Variants in ZNF83 observed in about 807,000 individuals in gnomAD.
ZNF83 encodes the protein zinc finger protein 83.
For missense variants in ZNF83, 552 were observed against 629.9 expected (o/e 0.88, Z 1.32); for synonymous variants, 209 against 213.0 (o/e 0.98, Z 0.17).
chr19:52,624,978 A>T (rs564598087), intron 2 of ZNF83, among the ~76,000 whole-genome samples: 8 of 152,122 alleles, frequency 5.3e-5, no homozygotes, highest in Admixed American at 5.2e-4. Context: ...ACATTATTCC[A>T]GATACCACAC....
intron 1 of ZNF83, chr19:52,636,938 G>C (rs191861144): frequency 6.6e-6 from 1 of 152,418 alleles, no homozygotes; most frequent in Non-Finnish European, 1.5e-5. Context: ...GATTACAGGC[G>C]TAAGCCACTG....
At chr19:52,644,005 G>T (rs2061341327) in intron 3 of ZNF83, among the ~76,000 whole-genome samples, 2 of 152,210 alleles carry the variant, frequency 1.3e-5, no homozygotes, top group South Asian at 4.1e-4. Flanking sequence ...CAGGGCTGTG[G>T]AGCCACAGTG....
intron 2 of ZNF83, 116 bp downstream of exon 2, chr19:52,634,950 G>A: frequency 1.4e-6 from 1 of 722,344 alleles, no homozygotes. Context: ...ATGGGTGAGT[G>A]TGAGCAAACC....
intron 1 of ZNF83, among the ~76,000 whole-genome samples, chr19:52,678,144 TG>T (rs2061848730): frequency 6.6e-6 from 1 of 151,810 alleles, no homozygotes; most frequent in African/African-American, 2.4e-5. Context: ...CTAACTAAAA[TG>T]GTTGCATATG....
chr19:52,682,730 T>C (rs1176089172), intron 1 of ZNF83, among the ~76,000 whole-genome samples: 2 of 152,108 alleles, frequency 1.3e-5, no homozygotes, highest in African/African-American at 4.8e-5. Context: ...TGTAGCTATG[T>C]GTGGTGACAC....
intron 1 of ZNF83, among the ~76,000 whole-genome samples, chr19:52,687,797 C>G (rs1271702675): frequency 6.7e-6 from 1 of 148,182 alleles, no homozygotes; most frequent in Non-Finnish European, 1.5e-5. Context: ...TGCACTCCAG[C>G]CCGAGTGATA....
exon 3 of ZNF83, chr19:52,614,222 G>T (rs1178330513): frequency 6.2e-7 from 1 of 1,613,894 alleles, no homozygotes; most frequent in African/African-American, 1.3e-5. Context: ...TCTTTAGTAT[G>T]GATTATTTGA....
At chr19:52,676,819 G>A (rs1474737029) in intron 1 of ZNF83, among the ~76,000 whole-genome samples, 2 of 134,148 alleles carry the variant, frequency 1.5e-5, no homozygotes, top group Non-Finnish European at 3.1e-5. Flanking sequence ...GTTGATCTGT[G>A]ACCTTACCCC....
chr19:52,642,825 A>C (rs1351947943), upstream of ZNF83, among the ~76,000 whole-genome samples: 1 of 152,140 alleles, frequency 6.6e-6, no homozygotes, highest in Non-Finnish European at 1.5e-5. Context: ...GTTCAAGACC[A>C]ACCTGGTCAA....
At chr19:52,614,017 C>T (rs1264624305) in exon 3 of ZNF83, 1 of 1,613,348 alleles carries the variant, frequency 6.2e-7, no homozygotes, top group South Asian at 1.1e-5. Context: ...AAAGACCTTG[C>T]CACATTCATT....
upstream of ZNF83, among the ~76,000 whole-genome samples, chr19:52,641,763 T>G (rs2061309080): frequency 1.3e-5 from 2 of 152,216 alleles, no homozygotes; most frequent in African/African-American, 4.8e-5. Context: ...GAAATCTCCT[T>G]TGCCAAGGTT....
At chr19:52,677,306 T>TA (rs67835464) in intron 1 of ZNF83, among the ~76,000 whole-genome samples, 376 of 106,396 alleles carry the variant, frequency 3.5e-3, no homozygotes, top group East Asian at 0.027. Flanking sequence ...AATTGAGAAG[T>TA]AAAAAAAAAA....
chr19:52,658,237 C>A (rs1035047817), intron 2 of ZNF83, among the ~76,000 whole-genome samples: 1 of 151,798 alleles, frequency 6.6e-6, no homozygotes, highest in Admixed American at 6.6e-5. Context: ...CCATCAAGGA[C>A]ACCATCCTAC....
At chr19:52,665,064 C>T (rs1312455890) in intron 1 of ZNF83, among the ~76,000 whole-genome samples, 2 of 152,164 alleles carry the variant, frequency 1.3e-5, no homozygotes, top group East Asian at 3.8e-4. Context: ...AAAGTCCTGC[C>T]TGAGCCAAAT....
At chr19:52,647,930 T>C (rs1350258740) in intron 3 of ZNF83, among the ~76,000 whole-genome samples, 1 of 151,646 alleles carries the variant, frequency 6.6e-6, no homozygotes, top group African/African-American at 2.4e-5. Flanking sequence ...TCTGGCACCC[T>C]AGATTCCCAG....
intron 2 of ZNF83, among the ~76,000 whole-genome samples, chr19:52,632,922 C>T (rs913841758): frequency 3.3e-5 from 5 of 152,172 alleles, no homozygotes; most frequent in Admixed American, 6.5e-5. Flanking sequence ...CCCCTAATCC[C>T]GCTCGAAGCA....
exon 2 of ZNF83, chr19:52,660,835 A>G (rs12972623): frequency 0.43 from 80,759 of 186,290 alleles, 17,800 homozygotes; most frequent in Admixed American, 0.56. Context: ...GAGTCTTTGG[A>G]AATTAATTCT....
At chr19:52,612,849 A>G in exon 3 of ZNF83, 3 of 581,950 alleles carry the variant, frequency 5.2e-6, no homozygotes, top group Non-Finnish European at 8.7e-6. Flanking sequence ...TGCCACATTC[A>G]GTACATTAGT....
chr19:52,682,096 T>G (rs1176568952), intron 1 of ZNF83, among the ~76,000 whole-genome samples: 1 of 152,166 alleles, frequency 6.6e-6, no homozygotes, highest in Non-Finnish European at 1.5e-5. Context: ...TTCACCCTCT[T>G]CAGCCTCCCA....
Sources: allele counts gnomAD v4.1 joint callset (sites outside exome capture counted in the v4.1 genomes callset), GRCh38; gene constraint gnomAD v4.1.1; transcripts MANE v1.5; gene names NCBI Gene and HGNC (gene_info 2026-07-23, HGNC 2026-07-21).